The following KIF13A variants were observed in gnomAD, a reference collection of about 807,000 sequenced individuals.
KIF13A encodes kinesin family member 13A.
A neutral mutation model predicts 212.2 loss-of-function variants in KIF13A; 79 were observed. That is an observed-to-expected ratio of 0.37 (90% CI 0.31 to 0.45). The LOEUF is 0.45. KIF13A is among the 20% of genes least tolerant of loss of function. The pLI, the probability that KIF13A is intolerant of heterozygous loss-of-function variation, is 1.00. For synonymous variants in KIF13A, 789 were observed against 808.6 expected, an observed-to-expected ratio of 0.98 and a Z score of 0.41; for missense variants, 1,901 against 2,209.0, an observed-to-expected ratio of 0.86 and a Z score of 2.79.
chr6:17,937,130 C>T (rs1266141904), intron 2 of KIF13A, among the ~76,000 whole-genome samples: 1 of 152,156 alleles, frequency 6.6e-6, no homozygotes, highest in Non-Finnish European at 1.5e-5. Flanking sequence ...GTGAGCTCAA[C>T]CGCAGTCACT....
At chr6:17,978,049 G>A (rs1177111290) in intron 2 of KIF13A, among the ~76,000 whole-genome samples, 4 of 152,208 alleles carry the variant, frequency 2.6e-5, no homozygotes, top group Non-Finnish European at 5.9e-5. Flanking sequence ...ATGACTCACC[G>A]AATTGTTAAT....
intron 2 of KIF13A, among the ~76,000 whole-genome samples, chr6:17,933,145 G>A (rs991002774): frequency 3.3e-5 from 5 of 152,076 alleles, no homozygotes; most frequent in African/African-American, 1.2e-4. Flanking sequence ...AAGAATGGCT[G>A]GAGAACATGA....
chr6:17,985,943 C>G (rs1279993230), intron 2 of KIF13A, among the ~76,000 whole-genome samples: 1 of 152,138 alleles, frequency 6.6e-6, no homozygotes, highest in Non-Finnish European at 1.5e-5. Context: ...ACACGAAAAG[C>G]AAAGAATCCC....
At chr6:17,975,530 C>T (rs572437827) in intron 2 of KIF13A, among the ~76,000 whole-genome samples, 1 of 152,164 alleles carries the variant, frequency 6.6e-6, no homozygotes, top group Non-Finnish European at 1.5e-5. Flanking sequence ...CAACATAATT[C>T]ATTGCAAAGA....
chr6:17,890,654 G>A (rs190161524), intron 3 of KIF13A, among the ~76,000 whole-genome samples: 2 of 150,384 alleles, frequency 1.3e-5, no homozygotes, highest in African/African-American at 4.9e-5. Flanking sequence ...AAAGAGACAA[G>A]GTCTTGCTGT....
intron 23 of KIF13A, among the ~76,000 whole-genome samples, chr6:17,795,301 G>A (rs1761931929): frequency 6.6e-6 from 1 of 152,052 alleles, no homozygotes. Flanking sequence ...ACATCGTATA[G>A]GCTGGGTGTG....
At position 17,783,624 on chromosome 6, in the gene KIF13A, G is replaced by A; in HGVS notation, c.3544+22C>T. 1 of 1,479,926 alleles carries A rather than the reference G, an allele frequency of 6.8e-7. No homozygotes were observed. The highest frequency in any genetic ancestry group is 9.3e-7 in the Non-Finnish European group (1 of 1,074,720). 91.7% of individuals were successfully genotyped at this position (1,479,926 alleles called of 1,614,324 possible). On this transcript the variant is annotated intron_variant, in intron 29 of 38. Coordinates refer to ENST00000259711, the MANE Select transcript of KIF13A (RefSeq NM_022113.6). This position sits in a 1 kb window ranked among gnomAD's most constrained non-coding sequence, Gnocchi z 4.3. The stretch of plus-strand genomic sequence containing the variant: ...ACCTTAGTTAAATACAATAATCCCT[G>A]TGACTTTAAGTGTCTACTTACCATT...
chr6:17,930,426 G>A (rs1775889753), intron 2 of KIF13A, among the ~76,000 whole-genome samples: 1 of 152,170 alleles, frequency 6.6e-6, no homozygotes, highest in Non-Finnish European at 1.5e-5. Flanking sequence ...ACGGATTCAT[G>A]CATTTCCACA....
In KIF13A at chr6:17,780,765, G is replaced by A. The variant is rs1175994839; in HGVS notation, c.3811C>T (p.Arg1271Ter). ...TAAATATTGGCTGCAATTCGTTTTC[G>A]TAATACTAACTCCATAGCAGCAGGG... ...SHPAAMELVL[R>*]KRIAANIYNK... Residue 1271 changes from arginine to a stop codon, truncating the protein, a stop_gained, in exon 31 of 39, where the codon CGA (arginine) becomes TGA (stop). Transcript: ENST00000259711. LOFTEE classifies it high-confidence loss of function. 4 of 1,613,992 alleles carry A rather than the reference G, an allele frequency of 2.5e-6. No individual in the cohort carries two copies. The highest frequency in any genetic ancestry group is 3.4e-6 in the Non-Finnish European group (4 of 1,179,876).
At chr6:17,925,052 T>C (rs905179524) in intron 2 of KIF13A, among the ~76,000 whole-genome samples, 1 of 152,184 alleles carries the variant, frequency 6.6e-6, no homozygotes, top group East Asian at 1.9e-4. Context: ...CTTCTTCCTC[T>C]AAACACGCTC....
At position 17,963,596 on chromosome 6, in the gene KIF13A, C is replaced by T. The variant is rs984907620; in HGVS notation, c.146+23458G>A. On this transcript the variant is annotated intron_variant, in intron 2 of 38. Transcript: ENST00000259711. The surrounding 1 kb of genome is among the most constrained non-coding windows in gnomAD (Gnocchi z 4.1). ...TTTTTGAGACAGAGTCTTGCTGTGT[C>T]GCCTAGGCTGGAGTGCTGCGCGTGA... Among the ~76,000 whole-genome samples, 8 of 152,198 alleles carry T rather than the reference C, an allele frequency of 5.3e-5. No homozygotes were observed. The East Asian group carries it at 5.8e-4, about 11-fold the overall frequency.
Position 17,785,452 on chromosome 6 carries a change from G to A in KIF13A, c.3488+63C>T. Reference sequence around the variant, plus strand: ...ACAATCCTGGAAAGTCTCTTGCATGGCTCTTGCCACAGGCGACCTGTACCA... The same window carrying A: ...ACAATCCTGGAAAGTCTCTTGCATGACTCTTGCCACAGGCGACCTGTACCA... On this transcript the variant is annotated intron_variant, in intron 28 of 38. Coordinates refer to ENST00000259711, the MANE Select transcript of KIF13A (RefSeq NM_022113.6). The surrounding 1 kb of genome is among the most constrained non-coding windows in gnomAD (Gnocchi z 5.8). The A allele has an allele frequency of 1.4e-6, 2 of 1,440,004 alleles. No individual in the cohort carries two copies. Among genetic ancestry groups the A allele is most frequent in the Non-Finnish European group, 9.1e-7 (1 of 1,095,400 alleles). 89.2% of individuals were successfully genotyped at this position (1,440,004 alleles called of 1,614,324 possible).
At chr6:17,846,041 C>CTTTTTTTT (rs34232861) in intron 9 of KIF13A, among the ~76,000 whole-genome samples, 14 of 83,252 alleles carry the variant, frequency 1.7e-4, no homozygotes, top group Non-Finnish European at 2.5e-4. Flanking sequence ...GGAACTCAAC[C>CTTTTTTTT]TTTTTTTTTT....
rs200044822 is a variant in KIF13A, at chr6:17,967,426, G to GA, written c.146+19627dup. Among the ~76,000 whole-genome samples the GA allele has an allele frequency of 7.2e-5, 11 of 152,064 alleles. No homozygotes were observed. In the East Asian group the frequency reaches 1.9e-3, roughly 27 times the overall value. On this transcript the variant is annotated intron_variant, in intron 2 of 38. Transcript: ENST00000259711. The surrounding 1 kb of genome is among the most constrained non-coding windows in gnomAD (Gnocchi z 4.1). ...TGAATGGGCATCACATTTATAATTA[G>GA]AAAAAAGCTATATTAAAAACAAAGT...
rs964413489 is a variant in KIF13A, at chr6:17,837,373, G to C, written c.942+99C>G. ...AATTAGAATAACTGTCATCAGGAGAGTTCTTTAGGTATTTGGTTAGCTTTG... is the reference window on the plus strand; with the variant it reads ...AATTAGAATAACTGTCATCAGGAGACTTCTTTAGGTATTTGGTTAGCTTTG... On this transcript the variant is annotated intron_variant, in intron 10 of 38. Coordinates refer to ENST00000259711, the MANE Select transcript of KIF13A (RefSeq NM_022113.6). This position sits in a 1 kb window ranked among gnomAD's most constrained non-coding sequence, Gnocchi z 5.4. The C allele has an allele frequency of 1.3e-6, 1 of 777,174 alleles. No homozygotes were observed. The highest frequency in any genetic ancestry group is 2.1e-6 in the Non-Finnish European group (1 of 469,026). The allele number at this position is 777,174 out of a possible 1,614,324, so 48.1% of individuals were successfully genotyped here. A position where few individuals can be genotyped will look rare whatever the true frequency, so the allele number is the denominator to read the frequency against.
Position 17,817,247 on chromosome 6 carries a change from A to G in KIF13A, c.1787-14T>C, listed in dbSNP as rs1180922603. On this transcript the variant is annotated splice_polypyrimidine_tract_variant and intron_variant, in intron 16 of 38. Coordinates refer to ENST00000259711, the MANE Select transcript of KIF13A (RefSeq NM_022113.6). ...TTTGAACTGGGTCTAGTGAGCCAAG[A>G]GACAAGGCAAGGTGTCTTAGTGGCG... 1 of 1,611,326 alleles carries G rather than the reference A, an allele frequency of 6.2e-7. No individual in the cohort carries two copies.
intron 20 of KIF13A, among the ~76,000 whole-genome samples, 197 bp downstream of exon 20, chr6:17,804,164 A>AAACG (rs144597995): frequency 1.3e-5 from 2 of 151,878 alleles, no homozygotes; most frequent in Non-Finnish European, 2.9e-5. Flanking sequence ...ACAAACAAAC[A>AAACG]AACAAACAAA....
At position 17,763,717 on chromosome 6, in the gene KIF13A, G is replaced by T. The variant is rs2150280492; in HGVS notation, c.*393C>A. 6.9e-6 allele frequency: 3 copies of T among 437,790 alleles called. No individual in the cohort carries two copies. The highest frequency in any genetic ancestry group is 5.3e-5 in the Admixed American group (1 of 18,994). The allele number at this position is 437,790 out of a possible 1,614,324, so 27.1% of individuals were successfully genotyped here. ...CTGTTGATATGACAGAGTTTAATTGGCAGTATTTTTTCTTAATGATACATA... is the reference window on the plus strand; with the variant it reads ...CTGTTGATATGACAGAGTTTAATTGTCAGTATTTTTTCTTAATGATACATA... On this transcript the variant is annotated 3_prime_UTR_variant, in exon 39 of 39. Transcript: ENST00000259711.
chr6:17,905,710 A>G (rs778500066), intron 2 of KIF13A, among the ~76,000 whole-genome samples: 1 of 152,234 alleles, frequency 6.6e-6, no homozygotes, highest in Non-Finnish European at 1.5e-5. Flanking sequence ...TGACAAGCCA[A>G]AGAAATGTTA....
Sources: allele counts gnomAD v4.1 joint callset (sites outside exome capture counted in the v4.1 genomes callset), GRCh38; gene constraint gnomAD v4.1.1; non-coding constraint Gnocchi (gnomAD v3.1); transcripts MANE v1.5; gene names NCBI Gene and HGNC (gene_info 2026-07-23, HGNC 2026-07-21).